Variants in NUP50 observed in about 807,000 individuals in gnomAD.
NUP50 encodes the protein nucleoporin 50, also known as nuclear pore complex protein Nup50.
In NUP50, 14 loss-of-function variants were observed where a neutral mutation model predicts 36.8. That is an observed-to-expected ratio of 0.38 (90% CI 0.25 to 0.59). NUP50 has a LOEUF of 0.59. Among genes scored for constraint, NUP50 ranks in the 20% least tolerant of loss-of-function variants. NUP50 has a pLI of 0.63. For synonymous variants in NUP50, 195 were observed against 210.8 expected (o/e 0.93, Z 0.65); for missense variants, 455 against 564.6 (o/e 0.81, Z 1.97).
chr22:45,167,194 G>T (rs532917180), intron 1 of NUP50, among the ~76,000 whole-genome samples: 1 of 152,164 alleles, frequency 6.6e-6, no homozygotes, highest in Non-Finnish European at 1.5e-5. Context: ...GTTCAGGCAG[G>T]TTTAACAAGA....
chr22:45,174,218 C>T (rs2074241772), intron 3 of NUP50, among the ~76,000 whole-genome samples: 1 of 151,000 alleles, frequency 6.6e-6, no homozygotes, highest in African/African-American at 2.4e-5. Context: ...GTCTTTGTCG[C>T]CCAGGGTGGA....
At chr22:45,170,434 G>A (rs569078400) in intron 2 of NUP50, among the ~76,000 whole-genome samples, 2 of 152,246 alleles carry the variant, frequency 1.3e-5, no homozygotes, top group South Asian at 4.2e-4. Context: ...CTGTAACCAC[G>A]ACTTTCAGGT....
Position 45,185,203 on chromosome 22 carries a change from G to C in NUP50, c.*548G>C, listed in dbSNP as rs945888617. Reference sequence around the variant, plus strand: ...TGAAGCTCAAATGCGAGTACTAAGTGTTCACCTCAGCGTTCGAATCATTGG... The same window carrying C: ...TGAAGCTCAAATGCGAGTACTAAGTCTTCACCTCAGCGTTCGAATCATTGG... On this transcript the variant is annotated 3_prime_UTR_variant, in exon 8 of 8. Coordinates refer to ENST00000347635, the MANE Select transcript of NUP50 (RefSeq NM_007172.4). 5.0e-5 allele frequency: 8 copies of C among 159,940 alleles called. No individual in the cohort carries two copies. The highest frequency in any genetic ancestry group is 1.9e-4 in the African/African-American group (8 of 41,476). 9.9% of individuals were successfully genotyped at this position (159,940 alleles called of 1,614,324 possible).
chr22:45,182,619 G>GTTTT (rs1460533814), intron 6 of NUP50, among the ~76,000 whole-genome samples: 23 of 78,048 alleles, frequency 2.9e-4, no homozygotes, highest in South Asian at 4.6e-4. Flanking sequence ...GAGCCTTGAG[G>GTTTT]TTTGTTTTTT....
At chr22:45,171,016 G>C (rs955996470) in intron 2 of NUP50, 1 of 1,304,112 alleles carries the variant, frequency 7.7e-7, no homozygotes, top group Non-Finnish European at 1.0e-6. Flanking sequence ...AACTAAAGCC[G>C]AAGATATTCA....
chr22:45,175,471 A>G (rs1250908612), intron 3 of NUP50, among the ~76,000 whole-genome samples: 1 of 152,158 alleles, frequency 6.6e-6, no homozygotes, highest in Non-Finnish European at 1.5e-5. Flanking sequence ...TAGTTAACCT[A>G]CCTTGATGTT....
rs562419387 is a variant in NUP50, at chr22:45,187,832, A to T, written c.*3177A>T. ...GACACAATTGTAATGGAGATGTAAA[A>T]CTTCTTAGCAATCAGATGGATAAAT... On this transcript the variant is annotated 3_prime_UTR_variant, in exon 8 of 8. Transcript: ENST00000347635. 1.3e-5 allele frequency: 2 copies of T among 152,750 alleles called. No homozygotes were observed. Among genetic ancestry groups the T allele is most frequent in the East Asian group, 3.9e-4 (2 of 5,188 alleles). 9.5% of individuals were successfully genotyped at this position (152,750 alleles called of 1,614,324 possible). A position where few individuals can be genotyped will look rare whatever the true frequency, so the allele number is the denominator to read the frequency against.
At chr22:45,171,085 G>A in intron 2 of NUP50, 1 of 1,298,450 alleles carries the variant, frequency 7.7e-7, no homozygotes, top group Non-Finnish European at 1.0e-6. Flanking sequence ...AGCGCACTGT[G>A]GAAGAGCAGT....
At chr22:45,182,187 T>G (rs1158239858) in intron 6 of NUP50, among the ~76,000 whole-genome samples, 5 of 152,054 alleles carry the variant, frequency 3.3e-5, no homozygotes, top group Non-Finnish European at 1.5e-5. Context: ...ATGCCTGTAA[T>G]CCCAGCACTT....
At chr22:45,174,426 C>T (rs1447778148) in intron 3 of NUP50, among the ~76,000 whole-genome samples, 1 of 152,204 alleles carries the variant, frequency 6.6e-6, no homozygotes, top group African/African-American at 2.4e-5. Context: ...ACCTGAATGT[C>T]TCGGCCTCCC....
In NUP50 at chr22:45,181,214, G is replaced by A. The variant is rs141594282; in HGVS notation, c.1004-72G>A. The A allele has an allele frequency of 5.6e-4, 547 of 975,728 alleles. 5 individuals carry two copies. In the East Asian group the frequency reaches 0.017, roughly 30 times the overall value. 60.4% of individuals were successfully genotyped at this position (975,728 alleles called of 1,614,324 possible). A position where few individuals can be genotyped will look rare whatever the true frequency, so the allele number is the denominator to read the frequency against. On this transcript the variant is annotated intron_variant, in intron 5 of 7. Coordinates refer to ENST00000347635, the MANE Select transcript of NUP50 (RefSeq NM_007172.4). ...CTCCGGTGGAGGTTTAGGGTGTTAC[G>A]TAACAAAACTTCAGTCACTTCTTTA...
rs1434236017 is a variant in NUP50, at chr22:45,187,019, G to C, written c.*2364G>C. ...TTTTTAACAAAATATTAGAAGTTAT[G>C]CTTTAAAATGTTTAATGTGGACTGA... On this transcript the variant is annotated 3_prime_UTR_variant, in exon 8 of 8. Coordinates refer to ENST00000347635, the MANE Select transcript of NUP50 (RefSeq NM_007172.4). 2 of 152,168 alleles carry C rather than the reference G, an allele frequency of 1.3e-5. No individual in the cohort carries two copies. Among genetic ancestry groups the C allele is most frequent in the Admixed American group, 1.3e-4 (2 of 15,268 alleles). The allele number at this position is 152,168 out of a possible 1,614,324, so 9.4% of individuals were successfully genotyped here. A position where few individuals can be genotyped will look rare whatever the true frequency, so the allele number is the denominator to read the frequency against.
chr22:45,166,564 G>A (rs1014454051), intron 1 of NUP50: 13 of 152,028 alleles, frequency 8.6e-5, no homozygotes, highest in African/African-American at 3.1e-4. Flanking sequence ...TGGGATTACA[G>A]GCGTGAGGCA....
chr22:45,184,391 A>G (rs2074434594), intron 7 of NUP50, 62 bp from the exon 8 acceptor site: 2 of 1,429,472 alleles, frequency 1.4e-6, no homozygotes, highest in East Asian at 2.3e-5. Context: ...AGCATATTAC[A>G]GACTCCTTTG....
At position 45,163,984 on chromosome 22, in the gene NUP50, T is replaced by G. The variant is rs906982842; in HGVS notation, c.-323T>G. On this transcript the variant is annotated 5_prime_UTR_variant, in exon 1 of 8. It adds an upstream start codon to the 5' untranslated region. Coordinates refer to ENST00000347635, the MANE Select transcript of NUP50 (RefSeq NM_007172.4). ...TTTCTTTCCTCCCTTTTTTTCGAAT[T>G]GGTTTTGGGGGTAGATTCGAGTTAC... The G allele has an allele frequency of 6.6e-6, 1 of 152,254 alleles. No individual in the cohort carries two copies. Among genetic ancestry groups the G allele is most frequent in the East Asian group, 1.9e-4 (1 of 5,142 alleles). 9.4% of individuals were successfully genotyped at this position (152,254 alleles called of 1,614,324 possible).
intron 4 of NUP50, among the ~76,000 whole-genome samples, chr22:45,176,730 T>C (rs1569050591): frequency 6.6e-6 from 1 of 152,212 alleles, no homozygotes; most frequent in Non-Finnish European, 1.5e-5. Context: ...AAGTGTTCTC[T>C]GTTAAGTTTT....
chr22:45,178,100 T>C (rs1238159170), intron 4 of NUP50, 138 bp from the exon 5 acceptor site: 4 of 772,690 alleles, frequency 5.2e-6, no homozygotes, highest in Non-Finnish European at 6.2e-6. Flanking sequence ...CACTCCAGCC[T>C]GGGTGACAGA....
At position 45,178,325 on chromosome 22, in the gene NUP50, C is replaced by T. The variant is rs760812393; in HGVS notation, c.428C>T (p.Ser143Phe). ...TNGDSQQPSS[S>F]GLASSKACVG... ...GGGGACAGTCAGCAGCCCTCCTCCT[C>T]TGGCCTTGCTTCCAGTAAAGCTTGT... Residue 143 changes from serine (S) to phenylalanine (F), a missense_variant, in exon 5 of 8, where the codon TCT (serine) becomes TTT (phenylalanine). Physicochemically the swap from Ser to Phe is radical, Grantham distance 155. Around this residue, in one of 3 missense-constraint regions of NUP50, gnomAD observed 166 missense variants for 202.8 expected, o/e 0.82. Coordinates refer to ENST00000347635, the MANE Select transcript of NUP50 (RefSeq NM_007172.4). 27 of 1,614,028 alleles carry T rather than the reference C, an allele frequency of 1.7e-5. No homozygotes were observed. Among genetic ancestry groups the T allele is most frequent in the Non-Finnish European group, 2.2e-5 (26 of 1,179,870 alleles).
At chr22:45,181,872 C>T (rs553957607) in intron 6 of NUP50, among the ~76,000 whole-genome samples, 1 of 152,300 alleles carries the variant, frequency 6.6e-6, no homozygotes, top group South Asian at 2.1e-4. Context: ...TTTCATCTTC[C>T]TTTCAATTAA....
Sources: gnomAD v4.1 joint callset for allele counts (sites outside exome capture counted in the v4.1 genomes callset) on GRCh38, gnomAD v4.1.1 for gene constraint, gnomAD v4.1.1 regional missense constraint, MANE v1.5 for transcripts, NCBI Gene and HGNC (gene_info 2026-07-23, HGNC 2026-07-21) for gene names.